Variants in PLCH2 observed in about 807,000 individuals in gnomAD.
PLCH2 encodes the protein 1-phosphatidylinositol 4,5-bisphosphate phosphodiesterase eta-2.
In PLCH2, 98 loss-of-function variants were observed where a neutral mutation model predicts 134.7. That is an observed-to-expected ratio of 0.73 (90% CI 0.62 to 0.86). The LOEUF is 0.86. Ranked by LOEUF, PLCH2 falls within the 40% of genes least tolerant of loss-of-function variation. The pLI, the probability that PLCH2 is intolerant of heterozygous loss-of-function variation, is 0.00. For missense variants in PLCH2, 1,994 were observed against 1,986.6 expected (o/e 1.00, Z -0.07); for synonymous variants, 974 against 827.5 (o/e 1.18, Z -3.04).
upstream of PLCH2, among the ~76,000 whole-genome samples, chr1:2,465,766 G>C (rs1041604585): frequency 6.6e-6 from 1 of 152,132 alleles, no homozygotes; most frequent in Admixed American, 6.5e-5. Flanking sequence ...GCTGAGTGGC[G>C]GGCGGGGCTG....
At chr1:2,429,014 G>C (rs996582397) in intron 1 of PLCH2, among the ~76,000 whole-genome samples, 3 of 152,160 alleles carry the variant, frequency 2.0e-5, no homozygotes, top group Admixed American at 6.5e-5. Context: ...CAGAGGTGCC[G>C]GGCCAGCCAA....
intron 11 of PLCH2, among the ~76,000 whole-genome samples, chr1:2,494,643 G>A (rs1387959361): frequency 6.6e-6 from 1 of 152,222 alleles, no homozygotes; most frequent in Non-Finnish European, 1.5e-5. Flanking sequence ...CTCCTCGGCA[G>A]CTGCCTCTGC....
upstream of PLCH2, among the ~76,000 whole-genome samples, chr1:2,421,691 G>C (rs1283968744): frequency 6.6e-6 from 1 of 151,888 alleles, no homozygotes; most frequent in Non-Finnish European, 1.5e-5. Context: ...AAATAACAAC[G>C]GGCCAGGCAC....
At chr1:2,429,442 C>A (rs79984876) in intron 1 of PLCH2, among the ~76,000 whole-genome samples, 3 of 152,120 alleles carry the variant, frequency 2.0e-5, no homozygotes, top group Admixed American at 6.5e-5. Context: ...CAGAAAGGCT[C>A]TGAAAGGAGC....
At chr1:2,500,573 G>A (rs540431990) in intron 20 of PLCH2, 1 of 152,420 alleles carries the variant, frequency 6.6e-6, no homozygotes, top group South Asian at 2.1e-4. Context: ...GGTACCCGGT[G>A]CGCGGGACAG....
chr1:2,463,626 TGCAGCCCGGAGACTGGTCAGA>T (rs568172178), upstream of PLCH2, among the ~76,000 whole-genome samples: 399 of 152,318 alleles, frequency 2.6e-3, 1 homozygote, highest in Non-Finnish European at 4.2e-3. Flanking sequence ...GGGAGACAGC[TGCAGCCCGGAGACTGGTCAGA>T]GCCCGCGACC....
At chr1:2,441,838 C>T (rs1339212607) in intron 2 of PLCH2, among the ~76,000 whole-genome samples, 1 of 152,160 alleles carries the variant, frequency 6.6e-6, no homozygotes, top group Non-Finnish European at 1.5e-5. Context: ...ATCCACAGCC[C>T]GCATTAAGGC....
chr1:2,484,085 G>A (rs924044781), intron 4 of PLCH2, among the ~76,000 whole-genome samples: 4 of 150,948 alleles, frequency 2.6e-5, no homozygotes, highest in African/African-American at 9.7e-5. Flanking sequence ...GGTGTTGACT[G>A]CTGTGTGGGG....
Position 2,480,199 on chromosome 1 carries a change from T to C in PLCH2, c.532T>C (p.Phe178Leu), listed in dbSNP as rs775624431. 1 of 1,612,806 alleles carries C rather than the reference T, an allele frequency of 6.2e-7. No homozygotes were observed. The highest frequency in any genetic ancestry group is 8.5e-7 in the Non-Finnish European group (1 of 1,179,832). Residue 178 changes from phenylalanine to leucine, a missense_variant, in exon 4 of 22, where the codon TTT (phenylalanine) becomes CTT (leucine). Physicochemically the swap from Phe to Leu is conservative, Grantham distance 22 (BLOSUM62 0). Transcript: ENST00000378486. ...RTRDQWLKQT[F>L]DEADKNGDGS... ...GGCACCAAAGTGGCTGAAGCAGACG[T>C]TTGACGAGGCCGACAAGAACGGGGA...
At chr1:2,480,861 G>A (rs1048789601) in intron 4 of PLCH2, among the ~76,000 whole-genome samples, 1 of 152,248 alleles carries the variant, frequency 6.6e-6, no homozygotes, top group Non-Finnish European at 1.5e-5. Flanking sequence ...GGCCGGGGGA[G>A]AGAAACTCTG....
chr1:2,421,412 A>G (rs1386227390), upstream of PLCH2, among the ~76,000 whole-genome samples: 1 of 152,242 alleles, frequency 6.6e-6, no homozygotes, highest in Non-Finnish European at 1.5e-5. Context: ...ATCAAATTAA[A>G]GTAATTAAAT....
intron 9 of PLCH2, 46 bp downstream of exon 9, chr1:2,489,424 G>C (rs2985847): frequency 2.5e-6 from 4 of 1,594,576 alleles, no homozygotes; most frequent in African/African-American, 1.3e-5. Context: ...ACAGAGTCTC[G>C]GGCCTGCAGC....
In PLCH2 at chr1:2,502,377, C is replaced by G; in HGVS notation, c.2927C>G (p.Ala976Gly). The change falls in exon 21 of 22, where the codon GCC becomes GGC. Residue 976 changes from alanine (A) to glycine (G), a missense_variant. Coordinates refer to ENST00000378486, the MANE Select transcript of PLCH2 (RefSeq NM_014638.4). ...PGPGPAPEAP[A>G]QEGPGSGSPR... ...CCCGGACCTGCTCCGGAAGCCCCAG[C>G]CCAGGAGGGGCCCGGCAGCGGCAGC... 1 of 1,543,882 alleles carries G rather than the reference C, an allele frequency of 6.5e-7. No homozygotes were observed. Among genetic ancestry groups the G allele is most frequent in the Non-Finnish European group, 8.7e-7 (1 of 1,145,676 alleles).
upstream of PLCH2, among the ~76,000 whole-genome samples, chr1:2,465,607 G>A (rs553460066): frequency 2.6e-5 from 4 of 152,202 alleles, no homozygotes; most frequent in Admixed American, 6.5e-5. Flanking sequence ...GCCACCCGCC[G>A]GGCCAAATGC....
chr1:2,466,176 C>A (rs530871057), upstream of PLCH2, among the ~76,000 whole-genome samples: 1 of 152,186 alleles, frequency 6.6e-6, no homozygotes, highest in South Asian at 2.1e-4. Flanking sequence ...AGCTCAGCAC[C>A]GGGACCCACT....
chr1:2,489,108 C>A, intron 8 of PLCH2, 99 bp from the exon 9 acceptor site: 1 of 1,108,320 alleles, frequency 9.0e-7, no homozygotes, highest in Non-Finnish European at 1.3e-6. Context: ...GACCCCTCCT[C>A]ATTCAATGGT....
At chr1:2,432,679 C>T (rs941716683) in intron 2 of PLCH2, among the ~76,000 whole-genome samples, 8 of 152,180 alleles carry the variant, frequency 5.3e-5, no homozygotes, top group African/African-American at 1.4e-4. Context: ...ACTCTCCAGG[C>T]TCTGGGAGCC....
chr1:2,431,598 G>A (rs1300103540), intron 2 of PLCH2, among the ~76,000 whole-genome samples: 1 of 152,160 alleles, frequency 6.6e-6, no homozygotes, highest in African/African-American at 2.4e-5. Context: ...GAGTCCTGGA[G>A]AGCTTCCAAC....
rs1379675300 is a variant in PLCH2 at position 2,496,930 on chromosome 1, C to A, written c.2036C>A (p.Ser679Tyr). The change falls in exon 15 of 22, where the codon TCC (serine) becomes TAC (tyrosine). Residue 679 changes from serine (S) to tyrosine (Y), a missense_variant. This residue lies in a region of PLCH2 where 1,094 missense variants were observed against 1,234.3 expected (regional missense o/e 0.89). Transcript: ENST00000378486. ...CTACGCTTCAACCAGCAGCAGCTCTCCCGCATCTACCCCTCCTCCTACCGT... is the reference window on the plus strand; with the variant it reads ...CTACGCTTCAACCAGCAGCAGCTCTACCGCATCTACCCCTCCTCCTACCGT... ...QYLRFNQQQLSRIYPSSYRVD... is the reference protein window; with the variant it reads ...QYLRFNQQQLYRIYPSSYRVD... The A allele has an allele frequency of 6.2e-7, 1 of 1,613,348 alleles. No individual in the cohort carries two copies.
Sources: gnomAD v4.1 joint callset for allele counts (sites outside exome capture counted in the v4.1 genomes callset) on GRCh38, gnomAD v4.1.1 for gene constraint, gnomAD v4.1.1 regional missense constraint, MANE v1.5 for transcripts, NCBI Gene and HGNC (gene_info 2026-07-23, HGNC 2026-07-21) for gene names.